The following SMYD3 variants were observed in gnomAD, a reference collection of about 807,000 sequenced individuals.
The protein encoded by SMYD3 is SET and MYND domain containing 3.
A neutral mutation model predicts 57.7 loss-of-function variants in SMYD3; 36 were observed. The observed-to-expected ratio is 0.62, with a 90% CI of 0.48 to 0.82. The LOEUF (loss-of-function observed/expected upper bound fraction) is 0.82. SMYD3 is among the 40% of genes least tolerant of loss of function. SMYD3 has a pLI of 0.00. For synonymous variants in SMYD3, 211 were observed against 195.0 expected, an observed-to-expected ratio of 1.08 and a Z score of -0.68; for missense variants, 515 against 538.8, an observed-to-expected ratio of 0.96 and a Z score of 0.44.
At chr1:246,502,084 C>A (rs2068464039) in intron 1 of SMYD3, among the ~76,000 whole-genome samples, 1 of 152,122 alleles carries the variant, frequency 6.6e-6, no homozygotes, top group Non-Finnish European at 1.5e-5. Flanking sequence ...TGAGTTATTA[C>A]CCTTTATTGC....
At chr1:246,363,296 T>G (rs2066035743) in intron 1 of SMYD3, among the ~76,000 whole-genome samples, 1 of 142,580 alleles carries the variant, frequency 7.0e-6, no homozygotes, top group Non-Finnish European at 1.5e-5. Context: ...GGGAGGGAGG[T>G]GGGGGGGTCA....
chr1:246,147,679 C>T (rs924964058), intron 5 of SMYD3, among the ~76,000 whole-genome samples: 11 of 151,770 alleles, frequency 7.2e-5, no homozygotes, highest in Non-Finnish European at 1.5e-4. Flanking sequence ...TGCTGGAGAT[C>T]GGAGCTTCCC....
chr1:246,146,994 C>T (rs2061853544), intron 5 of SMYD3, among the ~76,000 whole-genome samples: 2 of 152,070 alleles, frequency 1.3e-5, no homozygotes, highest in Admixed American at 6.5e-5. Context: ...GGCAGGCAGG[C>T]GTGACAGTGT....
chr1:245,930,704 G>A (rs2056662150), intron 5 of SMYD3: 1 of 152,220 alleles, frequency 6.6e-6, no homozygotes, highest in South Asian at 2.1e-4. Flanking sequence ...ACAGGTGCGA[G>A]GAAAAGAGCA....
chr1:246,400,605 G>A (rs942984513), intron 1 of SMYD3, among the ~76,000 whole-genome samples: 3 of 152,014 alleles, frequency 2.0e-5, no homozygotes, highest in South Asian at 2.1e-4. Flanking sequence ...GATTGGTATC[G>A]GTCATTAATT....
At chr1:246,494,678 C>T (rs1193358856) in intron 1 of SMYD3, among the ~76,000 whole-genome samples, 3 of 152,186 alleles carry the variant, frequency 2.0e-5, no homozygotes. Flanking sequence ...TTCCAATTAA[C>T]ATCTACTTTC....
intron 5 of SMYD3, among the ~76,000 whole-genome samples, chr1:246,265,777 G>A (rs535741564): frequency 9.9e-5 from 15 of 152,196 alleles, no homozygotes; most frequent in African/African-American, 1.4e-4. Flanking sequence ...TTGAACCAAC[G>A]GATCAACAGA....
chr1:245,749,815 C>T (rs1410912245), intron 11 of SMYD3, 151 bp from the exon 12 acceptor site: 2 of 581,952 alleles, frequency 3.4e-6, no homozygotes, highest in Admixed American at 6.4e-5. Context: ...TGTGGTTCTC[C>T]CAGCTGGAAA....
At chr1:246,140,451 T>A (rs949585356) in intron 5 of SMYD3, among the ~76,000 whole-genome samples, 1 of 152,206 alleles carries the variant, frequency 6.6e-6, no homozygotes, top group Non-Finnish European at 1.5e-5. Context: ...ACCAGTAGTA[T>A]TAGTACCGCT....
At chr1:246,265,554 C>T (rs1489688760) in intron 5 of SMYD3, among the ~76,000 whole-genome samples, 1 of 152,078 alleles carries the variant, frequency 6.6e-6, no homozygotes, top group Non-Finnish European at 1.5e-5. Context: ...CTGCAGTCTT[C>T]ATTCTTAAAA....
At chr1:245,790,797 C>T (rs929440012) in intron 10 of SMYD3, among the ~76,000 whole-genome samples, 5 of 152,120 alleles carry the variant, frequency 3.3e-5, no homozygotes, top group African/African-American at 1.2e-4. Flanking sequence ...GTTGTAGAGC[C>T]AGATTTGAAT....
chr1:246,015,114 C>A (rs1338170492), intron 5 of SMYD3, among the ~76,000 whole-genome samples: 1 of 152,176 alleles, frequency 6.6e-6, no homozygotes, highest in Non-Finnish European at 1.5e-5. Context: ...ATCATCCACA[C>A]TTCCCCATCT....
chr1:246,166,308 CAT>C (rs1471005567), intron 5 of SMYD3, among the ~76,000 whole-genome samples: 2 of 152,112 alleles, frequency 1.3e-5, no homozygotes, highest in Non-Finnish European at 2.9e-5. Flanking sequence ...AAAAAAGGTA[CAT>C]GTTTGTATAG....
intron 10 of SMYD3, among the ~76,000 whole-genome samples, chr1:245,827,557 G>A (rs971241639): frequency 9.2e-5 from 14 of 152,082 alleles, no homozygotes; most frequent in Admixed American, 5.2e-4. Flanking sequence ...CCGGTATTTC[G>A]CTTCTCCTTT....
chr1:245,954,234 C>A (rs1342974323), intron 5 of SMYD3, among the ~76,000 whole-genome samples: 1 of 152,152 alleles, frequency 6.6e-6, no homozygotes, highest in Non-Finnish European at 1.5e-5. Context: ...CTCAGACAAG[C>A]GTTTTAAAGA....
chr1:246,348,950 G>A (rs1461292814), intron 2 of SMYD3, among the ~76,000 whole-genome samples: 1 of 151,364 alleles, frequency 6.6e-6, no homozygotes, highest in Non-Finnish European at 1.5e-5. Context: ...AAAGTACTGA[G>A]AGAAAAAAAA....
chr1:245,791,634 G>C (rs1000958060), intron 10 of SMYD3, among the ~76,000 whole-genome samples: 18 of 150,218 alleles, frequency 1.2e-4, no homozygotes, highest in Non-Finnish European at 7.4e-5. Context: ...GGCAGACAGG[G>C]GGCCTGTGCA....
chr1:245,953,406 A>T, intron 5 of SMYD3: 1 of 933,070 alleles, frequency 1.1e-6, no homozygotes, highest in Non-Finnish European at 1.3e-6. Flanking sequence ...AACTGGCTTA[A>T]AAGTAGGGTT....
intron 1 of SMYD3, among the ~76,000 whole-genome samples, chr1:246,406,211 A>G (rs375047304): frequency 1.3e-5 from 2 of 152,204 alleles, no homozygotes; most frequent in African/African-American, 2.4e-5. Context: ...GGTGTGAGCC[A>G]CCGCGCCCAG....
Sources: allele counts gnomAD v4.1 joint callset (sites outside exome capture counted in the v4.1 genomes callset), GRCh38; gene constraint gnomAD v4.1.1; transcripts MANE v1.5; gene names NCBI Gene and HGNC (gene_info 2026-07-23, HGNC 2026-07-21).